IGFL2: variants seen among roughly 807,000 people sequenced by gnomAD.
IGFL2 encodes the protein IGF like family member 2.
Under a neutral mutation model 13.9 loss-of-function variants are expected in IGFL2, and 7 were observed. The observed-to-expected ratio is 0.51, with a 90% CI of 0.29 to 0.95. The LOEUF (loss-of-function observed/expected upper bound fraction) is 0.95. IGFL2 is among the 40% of genes least tolerant of loss of function. The probability of loss-of-function intolerance (pLI) is 0.08; values close to 1 mark genes in which losing one functional copy is unlikely to be tolerated. For missense variants in IGFL2, 138 were observed against 147.8 expected (o/e 0.93, Z 0.34); for synonymous variants, 55 against 55.8 (o/e 0.99, Z 0.07).
At chr19:46,161,957 T>C (rs1974191617), downstream of IGFL2, among the ~76,000 whole-genome samples, 1 of 152,256 alleles carries the variant, frequency 6.6e-6, no homozygotes, top group African/African-American at 2.4e-5. Context: ...CTGGTTGTGG[T>C]CTTTCCTTCT....
At chr19:46,187,148 A>G in the IGFL2 span, among the ~76,000 whole-genome samples, 4 of 152,102 alleles carry the variant, frequency 2.6e-5, no homozygotes, top group South Asian at 2.1e-4. Flanking sequence ...CTGATCAGAG[A>G]TGGTGAGCAT....
the IGFL2 span, chr19:46,198,001 C>CCCTT: frequency 1.6e-5 from 1 of 62,792 alleles, no homozygotes; most frequent in East Asian, 6.1e-4. Flanking sequence ...CCTCCCCTCC[C>CCCTT]CCTCCCTCCC....
At chr19:46,194,210 G>A in the IGFL2 span, among the ~76,000 whole-genome samples, 30 of 152,124 alleles carry the variant, frequency 2.0e-4, no homozygotes, top group Admixed American at 1.7e-3. Flanking sequence ...TGGTGCAGGG[G>A]GACCACCAGA....
chr19:46,120,155 C>A, the IGFL2 span: 1 of 797,952 alleles, frequency 1.3e-6, no homozygotes, highest in Non-Finnish European at 1.9e-6. Context: ...AGCAGGAAGG[C>A]ATTCTTCCCC....
chr19:46,158,866 G>A (rs1453726652), intron 1 of IGFL2, among the ~76,000 whole-genome samples: 2 of 152,138 alleles, frequency 1.3e-5, no homozygotes. Context: ...AGTTGTGGCA[G>A]CAGGTGGGGG....
the IGFL2 span, among the ~76,000 whole-genome samples, chr19:46,181,926 A>G: frequency 6.6e-6 from 1 of 152,216 alleles, no homozygotes; most frequent in Non-Finnish European, 1.5e-5. Flanking sequence ...TCTGGTCTCC[A>G]GTCAGACATC....
upstream of IGFL2, among the ~76,000 whole-genome samples, chr19:46,146,005 T>C (rs1259625003): frequency 6.6e-6 from 1 of 152,174 alleles, no homozygotes; most frequent in African/African-American, 2.4e-5. Context: ...CCAATCTGTT[T>C]TTAAAAAATG....
At chr19:46,199,529 G>T in the IGFL2 span, among the ~76,000 whole-genome samples, 1 of 152,166 alleles carries the variant, frequency 6.6e-6, no homozygotes, top group Non-Finnish European at 1.5e-5. Context: ...GACTAGCCCT[G>T]GCCACCCTCC....
chr19:46,184,965 T>C, the IGFL2 span, among the ~76,000 whole-genome samples: 3 of 152,228 alleles, frequency 2.0e-5, no homozygotes, highest in African/African-American at 4.8e-5. Context: ...TGGTATCTCA[T>C]TGTGGTTTTG....
At chr19:46,166,673 C>T in the IGFL2 span, among the ~76,000 whole-genome samples, 2 of 152,148 alleles carry the variant, frequency 1.3e-5, no homozygotes, top group African/African-American at 2.4e-5. Context: ...GAGACAGGTA[C>T]GCCCCGGAGG....
At chr19:46,152,465 A>G (rs1355833490) in intron 1 of IGFL2, among the ~76,000 whole-genome samples, 1 of 151,794 alleles carries the variant, frequency 6.6e-6, no homozygotes, top group Non-Finnish European at 1.5e-5. Flanking sequence ...TTTTATTTTT[A>G]TACAGATGGG....
chr19:46,084,972 G>A, the IGFL2 span, among the ~76,000 whole-genome samples: 2 of 152,080 alleles, frequency 1.3e-5, no homozygotes, highest in Non-Finnish European at 2.9e-5. Context: ...AAAGTCTCAA[G>A]TCTCATCTGG....
At chr19:46,096,475 A>G in the IGFL2 span, among the ~76,000 whole-genome samples, 43 of 152,220 alleles carry the variant, frequency 2.8e-4, no homozygotes, top group African/African-American at 6.5e-4. Flanking sequence ...AACATAGACA[A>G]TTTGACTTTC....
upstream of IGFL2, among the ~76,000 whole-genome samples, chr19:46,140,245 C>CTATATATATA (rs10574851): frequency 6.7e-6 from 1 of 148,508 alleles, no homozygotes; most frequent in African/African-American, 2.5e-5. Flanking sequence ...CACGCCCAGC[C>CTATATATATA]TATATATATA....
the IGFL2 span, among the ~76,000 whole-genome samples, chr19:46,178,933 A>T: frequency 6.6e-6 from 1 of 152,258 alleles, no homozygotes; most frequent in African/African-American, 2.4e-5. Context: ...GTGGTCACTC[A>T]CATTGGCTCA....
chr19:46,105,598 C>T, the IGFL2 span, among the ~76,000 whole-genome samples: 3 of 152,094 alleles, frequency 2.0e-5, no homozygotes, highest in Non-Finnish European at 2.9e-5. Flanking sequence ...CAATGGTAAT[C>T]GTTGCAGACT....
chr19:46,207,672 G>A, the IGFL2 span: 13,149 of 152,152 alleles, frequency 0.086, 656 homozygotes, highest in South Asian at 0.21. Context: ...GTGAGCCACC[G>A]CACCTGGCCC....
chr19:46,117,962 G>A, the IGFL2 span, among the ~76,000 whole-genome samples: 2 of 152,146 alleles, frequency 1.3e-5, no homozygotes, highest in Non-Finnish European at 2.9e-5. Flanking sequence ...TTAGCATGCA[G>A]TGTCCTCCCT....
the IGFL2 span, among the ~76,000 whole-genome samples, chr19:46,182,361 T>C: frequency 7.3e-6 from 1 of 136,940 alleles, no homozygotes; most frequent in Non-Finnish European, 1.5e-5. Context: ...AGAAAGACTT[T>C]GCCTAAAAAA....
Sources: gnomAD v4.1 joint callset for allele counts (sites outside exome capture counted in the v4.1 genomes callset) on GRCh38, gnomAD v4.1.1 for gene constraint, MANE v1.5 for transcripts, NCBI Gene and HGNC (gene_info 2026-07-23, HGNC 2026-07-21) for gene names.